The following PXYLP1 variants were observed in gnomAD, a reference collection of about 807,000 sequenced individuals.
PXYLP1 encodes acid phosphatase-like 2.
Under a neutral mutation model 37.9 loss-of-function variants are expected in PXYLP1, and 17 were observed. The ratio of observed to expected loss-of-function variants is 0.45; its 90% CI spans 0.31 to 0.67. PXYLP1 has a LOEUF of 0.67. PXYLP1 is among the 30% of genes least tolerant of loss of function. The pLI is 0.07. For synonymous variants in PXYLP1, 221 were observed against 232.2 expected, an observed-to-expected ratio of 0.95 and a Z score of 0.44; for missense variants, 511 against 612.0, an observed-to-expected ratio of 0.84 and a Z score of 1.74.
rs1199452856 is a variant in PXYLP1 at position 141,274,508 on chromosome 3, C to T, written c.80-3834C>T. 3.3e-6 allele frequency: 5 copies of T among 1,518,156 alleles called. No individual in the cohort carries two copies. The African/African-American group carries it at 5.5e-5, about 17-fold the overall frequency. 94.0% of individuals were successfully genotyped at this position (1,518,156 alleles called of 1,614,324 possible). On this transcript the variant is annotated intron_variant, in intron 2 of 5. Coordinates refer to ENST00000286353, the MANE Select transcript of PXYLP1 (RefSeq NM_001037172.3). ...CCAGCTAGGTGTCTCCTCTGGGAAG[C>T]CTGTTTGGATGCCCCTCACCCCAGA...
chr3:141,260,169 C>T lies in PXYLP1; in HGVS notation c.-7C>T, dbSNP rs1355172395. ...GAAACCATGAAGAGAAAATAGAATA[C>T]TTAATAATGCTTTTCCGCAACCGCT... On this transcript the variant is annotated 5_prime_UTR_variant, in exon 2 of 6. Coordinates refer to ENST00000286353, the MANE Select transcript of PXYLP1 (RefSeq NM_001037172.3). 1.2e-6 allele frequency: 2 copies of T among 1,613,970 alleles called. No homozygotes were observed. Among genetic ancestry groups the T allele is most frequent in the Middle Eastern group, 1.6e-4 (1 of 6,062 alleles).
At chr3:141,232,489 C>T (rs538585173) in intron 1 of PXYLP1, 43 of 152,458 alleles carry the variant, frequency 2.8e-4, no homozygotes, top group African/African-American at 1.0e-3. Flanking sequence ...GCTGGCTCCT[C>T]TTGGCAGCCA....
intron 2 of PXYLP1, among the ~76,000 whole-genome samples, chr3:141,270,414 C>T (rs778749522): frequency 1.3e-5 from 2 of 152,154 alleles, no homozygotes; most frequent in Non-Finnish European, 1.5e-5. Context: ...GTGGACTCTT[C>T]GTTGTGGTTC....
intron 1 of PXYLP1, chr3:141,234,466 G>C (rs1305445215): frequency 6.6e-6 from 1 of 152,310 alleles, no homozygotes; most frequent in Non-Finnish European, 1.5e-5. Context: ...AAGCTCCCAG[G>C]GAGACAGGGT....
At chr3:141,281,251 C>G (rs536641029) in intron 4 of PXYLP1, among the ~76,000 whole-genome samples, 1 of 152,204 alleles carries the variant, frequency 6.6e-6, no homozygotes, top group East Asian at 1.9e-4. Flanking sequence ...AAGGGGCCAG[C>G]CCTGTGATGG....
chr3:141,265,148 T>C (rs1302916549), intron 2 of PXYLP1, among the ~76,000 whole-genome samples: 1 of 152,070 alleles, frequency 6.6e-6, no homozygotes, highest in Non-Finnish European at 1.5e-5. Context: ...CTGTAGGTAG[T>C]TGTGAAGTTG....
chr3:141,250,775 G>A (rs1941123111), intron 1 of PXYLP1, among the ~76,000 whole-genome samples: 2 of 152,192 alleles, frequency 1.3e-5, no homozygotes, highest in Non-Finnish European at 2.9e-5. Flanking sequence ...TCCCATTGAT[G>A]CTTGGAGTTG....
At chr3:141,281,066 A>G (rs1182829455) in intron 4 of PXYLP1, among the ~76,000 whole-genome samples, 1 of 152,262 alleles carries the variant, frequency 6.6e-6, no homozygotes, top group Non-Finnish European at 1.5e-5. Context: ...TTTATATGCC[A>G]TATTTAGTAA....
chr3:141,240,397 G>A (rs1940766249), intron 1 of PXYLP1, among the ~76,000 whole-genome samples: 1 of 152,090 alleles, frequency 6.6e-6, no homozygotes, highest in African/African-American at 2.4e-5. Context: ...AGGATATTCA[G>A]GGACTCAGGC....
chr3:141,266,559 G>C lies in PXYLP1; in HGVS notation c.79+6305G>C, dbSNP rs552144667. Among the ~76,000 whole-genome samples, 547 of 150,052 alleles carry C rather than the reference G, an allele frequency of 3.6e-3. 2 individuals carry two copies. The highest frequency in any genetic ancestry group is 5.4e-3 in the Non-Finnish European group (362 of 67,184). ...TGGACAGGAGTGGTCTAGAAGCCAA[G>C]GGGGCAACCTGCTTAGAAGTTCTCA... On this transcript the variant is annotated intron_variant, in intron 2 of 5. Transcript: ENST00000286353.
Position 141,248,634 on chromosome 3 carries a change from T to C in PXYLP1, c.-53-11489T>C, listed in dbSNP as rs71619388. ...ACGTATATATACACACACGTATATA[T>C]ACACACGTGTATATATACACACGTA... On this transcript the variant is annotated intron_variant, in intron 1 of 5. Transcript: ENST00000286353. Among the ~76,000 whole-genome samples, 20 of 95,686 alleles carry C rather than the reference T, an allele frequency of 2.1e-4. 2 individuals are homozygous for C. The highest frequency in any genetic ancestry group is 3.1e-4 in the Non-Finnish European group (17 of 54,094). 62.8% of individuals were successfully genotyped at this position (95,686 alleles called of 152,430 possible).
chr3:141,260,651 G>T (rs1941373796), intron 2 of PXYLP1, among the ~76,000 whole-genome samples: 1 of 152,158 alleles, frequency 6.6e-6, no homozygotes, highest in South Asian at 2.1e-4. Context: ...CGGGGAGGGT[G>T]GGGAGATTAG....
chr3:141,262,167 T>A (rs1941407531), intron 2 of PXYLP1: 1 of 555,982 alleles, frequency 1.8e-6, no homozygotes, highest in Admixed American at 6.4e-5. Context: ...AATTGTGACA[T>A]ATTTCCATGT....
Position 141,249,534 on chromosome 3 carries a change from C to A in PXYLP1, c.-53-10589C>A, listed in dbSNP as rs79460472. On this transcript the variant is annotated intron_variant, in intron 1 of 5. Transcript: ENST00000286353. ...TTATCATTCAAGCCTTGATATTATG[C>A]CACTTGTACTTCCAGTCTTGCAGCC... Among the ~76,000 whole-genome samples, 986 of 139,538 alleles carry A rather than the reference C, an allele frequency of 7.1e-3. 18 individuals carry two copies. The highest frequency in any genetic ancestry group is 0.026 in the African/African-American group (944 of 35,874). 91.5% of individuals were successfully genotyped at this position (139,538 alleles called of 152,430 possible).
At chr3:141,257,446 A>C (rs1042091275) in intron 1 of PXYLP1, among the ~76,000 whole-genome samples, 1 of 152,236 alleles carries the variant, frequency 6.6e-6, no homozygotes, top group African/African-American at 2.4e-5. Flanking sequence ...AAAAGTCAAT[A>C]TAGGAAAAGA....
intron 1 of PXYLP1, among the ~76,000 whole-genome samples, chr3:141,247,869 C>T (rs539607946): frequency 6.6e-6 from 1 of 152,200 alleles, no homozygotes; most frequent in Admixed American, 6.5e-5. Flanking sequence ...GGATCATGGC[C>T]ACCCCCATTG....
intron 2 of PXYLP1, among the ~76,000 whole-genome samples, chr3:141,266,715 G>T (rs531887121): frequency 8.1e-5 from 12 of 147,756 alleles, no homozygotes; most frequent in African/African-American, 1.7e-4. Context: ...AGAGACGGCG[G>T]GGGGAGAGAG....
At position 141,292,556 on chromosome 3, in the gene PXYLP1, G is replaced by C. The variant is rs140468634; in HGVS notation, c.794G>C (p.Arg265Pro). The C allele has an allele frequency of 6.2e-7, 1 of 1,614,028 alleles. No individual in the cohort carries two copies. The highest frequency in any genetic ancestry group is 1.3e-5 in the African/African-American group (1 of 74,904). Reference protein sequence around the residue: ...EKEQRRQYLLRLKNSQLEKTY... With the variant: ...EKEQRRQYLLPLKNSQLEKTY... ...GAGCAGCGTCGTCAGTACCTCCTAC[G>C]TTTGAAAAACAGCCAGCTGGAGAAG... Residue 265 changes from arginine (R) to proline (P), a missense_variant, in exon 6 of 6, where the codon CGT becomes CCT. Arg to Pro is a moderately radical substitution (Grantham distance 103, BLOSUM62 -2). Transcript: ENST00000286353. The surrounding 1 kb of genome is among the most constrained non-coding windows in gnomAD (Gnocchi z 4.3).
chr3:141,282,071 A>C (rs895191013), intron 4 of PXYLP1, among the ~76,000 whole-genome samples: 3 of 152,156 alleles, frequency 2.0e-5, no homozygotes, highest in East Asian at 1.9e-4. Context: ...GATCCAGAGG[A>C]GAGACTTCAC....
Sources: allele counts gnomAD v4.1 joint callset (sites outside exome capture counted in the v4.1 genomes callset), GRCh38; gene constraint gnomAD v4.1.1; non-coding constraint Gnocchi (gnomAD v3.1); transcripts MANE v1.5; gene names NCBI Gene and HGNC (gene_info 2026-07-23, HGNC 2026-07-21).